ERC1: variants seen among roughly 807,000 people sequenced by gnomAD.
The protein encoded by ERC1 is ELKS/RAB6-interacting/CAST family member 1, also known as RAB6 interacting protein 2.
In ERC1, 56 loss-of-function variants were observed where a neutral mutation model predicts 132.0. The ratio of observed to expected loss-of-function variants is 0.42; its 90% confidence interval spans 0.34 to 0.53. ERC1 has a LOEUF of 0.53. Among genes scored for constraint, ERC1 ranks in the 20% least tolerant of loss-of-function variants. The pLI is 0.03. For missense variants in ERC1, 1,202 were observed against 1,349.9 expected (o/e 0.89, Z 1.72); for synonymous variants, 478 against 476.1 (o/e 1.00, Z -0.05).
intron 18 of ERC1, among the ~76,000 whole-genome samples, chr12:1,447,952 C>T (rs1049524624): frequency 7.2e-5 from 11 of 152,102 alleles, no homozygotes; most frequent in Non-Finnish European, 1.5e-4. Flanking sequence ...GCCTGCCCAG[C>T]TTGTCTTTGA....
intron 12 of ERC1, among the ~76,000 whole-genome samples, chr12:1,193,178 A>G (rs912658397): frequency 1.3e-5 from 2 of 152,216 alleles, no homozygotes; most frequent in Non-Finnish European, 1.5e-5. Flanking sequence ...TGTGATCTAA[A>G]GAAATAAATA....
At chr12:1,025,143 T>C (rs1034656319) in intron 1 of ERC1, among the ~76,000 whole-genome samples, 1 of 152,212 alleles carries the variant, frequency 6.6e-6, no homozygotes, top group Non-Finnish European at 1.5e-5. Flanking sequence ...GACAACTGCC[T>C]GTGGTTTTAA....
intron 1 of ERC1, chr12:1,027,352 T>C (rs1967065022): frequency 6.6e-6 from 1 of 152,330 alleles, no homozygotes; most frequent in African/African-American, 2.4e-5. Flanking sequence ...ATCTTTTCCT[T>C]GTCAATCTTT....
At chr12:1,077,606 G>A (rs1941555195) in intron 2 of ERC1, among the ~76,000 whole-genome samples, 1 of 152,160 alleles carries the variant, frequency 6.6e-6, no homozygotes, top group Non-Finnish European at 1.5e-5. Flanking sequence ...AGAGTGAGAA[G>A]TAGACTAGTG....
intron 14 of ERC1, among the ~76,000 whole-genome samples, chr12:1,267,382 C>T (rs1275788907): frequency 1.3e-5 from 2 of 152,186 alleles, no homozygotes; most frequent in African/African-American, 4.8e-5. Flanking sequence ...TTGCCAGGGG[C>T]TAAGGAGCAG....
chr12:1,279,031 A>G (rs2078475807), intron 14 of ERC1, among the ~76,000 whole-genome samples: 1 of 152,190 alleles, frequency 6.6e-6, no homozygotes, highest in African/African-American at 2.4e-5. Context: ...AATCCTTCTA[A>G]GTGAATGGCA....
intron 8 of ERC1, among the ~76,000 whole-genome samples, chr12:1,163,838 C>T (rs1457157195): frequency 6.6e-6 from 1 of 152,202 alleles, no homozygotes; most frequent in Non-Finnish European, 1.5e-5. Flanking sequence ...GCCTCAGCCT[C>T]CCTAGTAGCT....
rs1216337061 is a variant in ERC1, at chr12:1,394,015, C to CAAAAAAAAAAA, written c.2926-14126_2926-14116dup. On this transcript the variant is annotated intron_variant, in intron 16 of 18. Transcript: ENST00000360905. ...TGGGTGACAGAGTGAGACTCCGTCT[C>CAAAAAAAAAAA]AAAAAAAAAAAAAAAAAACAAAAAA... Among the ~76,000 whole-genome samples, 7 of 26,882 alleles carry CAAAAAAAAAAA rather than the reference C, an allele frequency of 2.6e-4. 1 individual carries two copies. Among genetic ancestry groups the CAAAAAAAAAAA allele is most frequent in the African/African-American group, 5.3e-4 (3 of 5,688 alleles). The allele number at this position is 26,882 out of a possible 152,430, so 17.6% of individuals were successfully genotyped here.
intron 15 of ERC1, among the ~76,000 whole-genome samples, chr12:1,342,654 G>C (rs978328232): frequency 6.6e-6 from 1 of 152,172 alleles, no homozygotes. Context: ...GGATAAATCA[G>C]AGAAGAGAGC....
intron 17 of ERC1, among the ~76,000 whole-genome samples, chr12:1,440,638 G>T (rs1295301170): frequency 1.4e-3 from 182 of 127,370 alleles, no homozygotes; most frequent in African/African-American, 5.3e-3. Context: ...GTGTGTGTGT[G>T]TGTGTGTGTG....
chr12:990,671 A>G (rs1291517029), upstream of ERC1: 2 of 152,172 alleles, frequency 1.3e-5, no homozygotes, highest in South Asian at 2.1e-4. Flanking sequence ...CCACGAAGCT[A>G]AGGGGCAAAA....
chr12:1,024,829 G>GA (rs1027419369), intron 1 of ERC1, among the ~76,000 whole-genome samples: 4 of 70,616 alleles, frequency 5.7e-5, no homozygotes, highest in Admixed American at 1.5e-4. Flanking sequence ...AAGTCACCTT[G>GA]AAAAAAAAAG....
chr12:1,178,916 A>T (rs1039893720), intron 8 of ERC1, among the ~76,000 whole-genome samples: 1 of 152,202 alleles, frequency 6.6e-6, no homozygotes, highest in East Asian at 1.9e-4. Flanking sequence ...AGCAACTGGA[A>T]AAGTGCCTGA....
chr12:1,283,119 T>C (rs962299925), intron 14 of ERC1, among the ~76,000 whole-genome samples: 8 of 152,276 alleles, frequency 5.3e-5, no homozygotes, highest in Non-Finnish European at 8.8e-5. Flanking sequence ...TTTGTTCCCT[T>C]CTTATTCTGA....
At chr12:1,046,770 A>T (rs1971143484) in intron 2 of ERC1, among the ~76,000 whole-genome samples, 1 of 152,186 alleles carries the variant, frequency 6.6e-6, no homozygotes, top group Admixed American at 6.6e-5. Flanking sequence ...GTGGAAACTG[A>T]GGCTGAGAGT....
rs199529507 is a variant in ERC1 at position 1,057,580 on chromosome 12, G to C, written c.670-25584G>C. 1.1e-3 allele frequency among the ~76,000 whole-genome samples: 163 copies of C among 143,248 alleles called. 1 individual carries two copies. The East Asian group carries it at 0.028, about 24-fold the overall frequency. The allele number at this position is 143,248 out of a possible 152,430, so 94.0% of individuals were successfully genotyped here. A position where few individuals can be genotyped will look rare whatever the true frequency, so the allele number is the denominator to read the frequency against. On this transcript the variant is annotated intron_variant, in intron 2 of 18. Coordinates refer to ENST00000360905, the MANE Select transcript of ERC1 (RefSeq NM_178040.4). ...ATAGCAAAACTGTTTTGAAGGATGC[G>C]CATGGTTTTTTTTTTTTTTTTTTTT...
At chr12:1,253,624 C>T (rs751174552) in intron 13 of ERC1, among the ~76,000 whole-genome samples, 5 of 151,862 alleles carry the variant, frequency 3.3e-5, no homozygotes, top group Non-Finnish European at 7.4e-5. Context: ...TGTGGTGAGC[C>T]GAGATCACGC....
chr12:1,158,743 G>A (rs889290079), intron 8 of ERC1, among the ~76,000 whole-genome samples: 12 of 151,740 alleles, frequency 7.9e-5, no homozygotes, highest in African/African-American at 2.4e-4. Context: ...GTGAGCCACC[G>A]CGCCTGGCTG....
chr12:1,051,545 A>ACCC (rs1346937834), intron 2 of ERC1, among the ~76,000 whole-genome samples: 1 of 124,670 alleles, frequency 8.0e-6, no homozygotes, highest in Non-Finnish European at 1.7e-5. Flanking sequence ...AAAAAAAAAA[A>ACCC]AAAAAAAAAG....
Sources: allele counts gnomAD v4.1 joint callset (sites outside exome capture counted in the v4.1 genomes callset), GRCh38; gene constraint gnomAD v4.1.1; transcripts MANE v1.5; gene names NCBI Gene and HGNC (gene_info 2026-07-23, HGNC 2026-07-21).